Variants in HIVEP3 observed in about 807,000 individuals in gnomAD.
HIVEP3 encodes the protein HIVEP zinc finger 3, also known as transcription factor HIVEP3.
In HIVEP3, 49 loss-of-function variants were observed where a neutral mutation model predicts 152.8. That is an observed-to-expected ratio of 0.32 (90% CI 0.26 to 0.41). HIVEP3 has a LOEUF of 0.41. HIVEP3 is among the 10% of genes least tolerant of loss of function. HIVEP3 has a pLI of 1.00. For synonymous variants in HIVEP3, 1,269 were observed against 1,289.0 expected (o/e 0.98, Z 0.33); for missense variants, 2,790 against 3,103.3 (o/e 0.90, Z 2.40).
At chr1:41,754,152 C>T (rs1009818300) in intron 1 of HIVEP3, among the ~76,000 whole-genome samples, 2 of 152,184 alleles carry the variant, frequency 1.3e-5, no homozygotes, top group African/African-American at 2.4e-5. Context: ...TAGCGGCTGC[C>T]GCAGGGTGAC....
chr1:41,747,664 T>G (rs530322868), intron 1 of HIVEP3, among the ~76,000 whole-genome samples: 1 of 152,368 alleles, frequency 6.6e-6, no homozygotes, highest in South Asian at 2.1e-4. Context: ...TTTCTTTTAT[T>G]GATATATTAT....
chr1:41,808,709 T>A (rs936425246), intron 1 of HIVEP3, among the ~76,000 whole-genome samples: 1 of 152,254 alleles, frequency 6.6e-6, no homozygotes, highest in Non-Finnish European at 1.5e-5. Flanking sequence ...TTCCTTTATT[T>A]ATTTTTCAGA....
Position 41,996,201 on chromosome 1 carries a change from T to C in HIVEP3, n.119+39606A>G, listed in dbSNP as rs1379295651. ...TGAGGCCAGGAGTTCAAGACCAGCC[T>C]GGCCAACATATCAAGACGTTATTTC... On this transcript the variant is annotated intron_variant and non_coding_transcript_variant, in intron 1 of 3. Coordinates refer to the HIVEP3 transcript ENST00000489103. Among the ~76,000 whole-genome samples, 6 of 151,822 alleles carry C rather than the reference T, an allele frequency of 4.0e-5. No homozygotes were observed. In the South Asian group the frequency reaches 1.2e-3, roughly 32 times the overall value.
intron 1 of HIVEP3, among the ~76,000 whole-genome samples, chr1:41,878,562 GAGA>G (rs1644207759): frequency 6.6e-6 from 1 of 152,170 alleles, no homozygotes; most frequent in Admixed American, 6.5e-5. Context: ...GAGAGGGTAG[GAGA>G]AGAAAACACC....
intron 1 of HIVEP3, among the ~76,000 whole-genome samples, chr1:41,762,630 A>G (rs1044125332): frequency 5.9e-5 from 9 of 152,314 alleles, no homozygotes; most frequent in African/African-American, 2.2e-4. Flanking sequence ...CAAGCCCCAC[A>G]CAAAGCCTGC....
intron 5 of HIVEP3, among the ~76,000 whole-genome samples, chr1:41,572,489 T>A (rs917114406): frequency 4.6e-5 from 7 of 152,232 alleles, no homozygotes; most frequent in Non-Finnish European, 1.0e-4. Context: ...CCCCCAGGCA[T>A]CCTTCCTTTG....
chr1:41,705,502 T>C (rs1053547926), intron 1 of HIVEP3, among the ~76,000 whole-genome samples: 2 of 152,158 alleles, frequency 1.3e-5, no homozygotes, highest in African/African-American at 4.8e-5. Flanking sequence ...TCTTGCCTAC[T>C]TCCAAAAAGG....
Position 41,531,241 on chromosome 1 carries a change from T to C in HIVEP3, c.5208-6331A>G, listed in dbSNP as rs556249748. Among the ~76,000 whole-genome samples the C allele has an allele frequency of 2.0e-4, 15 of 75,166 alleles. No individual in the cohort carries two copies. The South Asian group carries it at 5.9e-3, about 30-fold the overall frequency. 49.3% of individuals were successfully genotyped at this position (75,166 alleles called of 152,430 possible). A position where few individuals can be genotyped will look rare whatever the true frequency, so the allele number is the denominator to read the frequency against. On this transcript the variant is annotated intron_variant, in intron 5 of 8. Coordinates refer to ENST00000372583, the MANE Select transcript of HIVEP3 (RefSeq NM_024503.5). ...AGGAGAGAAGGGAGAACAGGAGAGA[T>C]GGAGGACAGGGGAGATGGAGGACAG...
At chr1:41,764,420 G>T (rs184698836) in intron 1 of HIVEP3, among the ~76,000 whole-genome samples, 1 of 152,342 alleles carries the variant, frequency 6.6e-6, no homozygotes, top group African/African-American at 2.4e-5. Context: ...ACAAGGTGCG[G>T]GTGGGGGGCA....
At chr1:41,680,916 T>G (rs569340493) in intron 2 of HIVEP3, among the ~76,000 whole-genome samples, 23 of 152,392 alleles carry the variant, frequency 1.5e-4, no homozygotes, top group Non-Finnish European at 2.1e-4. Context: ...TACCACTTAC[T>G]GAGTACTTGC....
intron 5 of HIVEP3, among the ~76,000 whole-genome samples, chr1:41,574,773 C>A (rs1158913736): frequency 6.6e-6 from 1 of 152,170 alleles, no homozygotes. Context: ...AGACACAGGA[C>A]CCTGAGACAG....
At chr1:41,603,001 T>G (rs1054364755) in intron 3 of HIVEP3, among the ~76,000 whole-genome samples, 2 of 152,136 alleles carry the variant, frequency 1.3e-5, no homozygotes, top group African/African-American at 4.8e-5. Flanking sequence ...GTCATTTAAT[T>G]TCCACATATT....
intron 1 of HIVEP3, among the ~76,000 whole-genome samples, chr1:41,857,635 C>A (rs1643804678): frequency 6.6e-6 from 1 of 152,156 alleles, no homozygotes; most frequent in African/African-American, 2.4e-5. Context: ...CCACTCCACA[C>A]CAAGCAATTT....
chr1:41,883,489 C>T (rs1455966034), intron 1 of HIVEP3, among the ~76,000 whole-genome samples: 3 of 152,190 alleles, frequency 2.0e-5, no homozygotes, highest in Non-Finnish European at 4.4e-5. Context: ...CTGCGAAATG[C>T]TTGTGAGGTT....
chr1:41,565,734 C>T (rs547979219), intron 5 of HIVEP3, among the ~76,000 whole-genome samples: 1 of 152,262 alleles, frequency 6.6e-6, no homozygotes, highest in East Asian at 1.9e-4. Context: ...ATGCTACATC[C>T]TCGTTGTAGC....
chr1:41,622,434 T>C (rs1645059839), intron 3 of HIVEP3, among the ~76,000 whole-genome samples: 2 of 152,122 alleles, frequency 1.3e-5, no homozygotes, highest in Non-Finnish European at 2.9e-5. Context: ...CAGGCTGAAC[T>C]GGGAATGCTG....
chr1:41,638,422 G>C (rs532086091), intron 2 of HIVEP3, among the ~76,000 whole-genome samples: 1 of 151,728 alleles, frequency 6.6e-6, no homozygotes, highest in African/African-American at 2.4e-5. Context: ...AAGTAAGGAA[G>C]AAAAGGAAGA....
At chr1:42,011,705 T>C (rs1368108988) in intron 1 of HIVEP3, among the ~76,000 whole-genome samples, 1 of 152,192 alleles carries the variant, frequency 6.6e-6, no homozygotes, top group East Asian at 1.9e-4. Context: ...CCTCAAAGCC[T>C]CAAGGCAGAG....
chr1:41,591,965 A>G (rs779921962), intron 3 of HIVEP3, among the ~76,000 whole-genome samples: 2 of 152,102 alleles, frequency 1.3e-5, no homozygotes, highest in Non-Finnish European at 2.9e-5. Flanking sequence ...TTTGAGGTCA[A>G]TTCCTCCTGA....
Sources: gnomAD v4.1 joint callset for allele counts (sites outside exome capture counted in the v4.1 genomes callset) on GRCh38, gnomAD v4.1.1 for gene constraint, MANE v1.5 for transcripts, NCBI Gene and HGNC (gene_info 2026-07-23, HGNC 2026-07-21) for gene names.